Variants in OSBPL10 observed in about 807,000 individuals in gnomAD.
OSBPL10 encodes the protein oxysterol binding protein like 10.
OSBPL10 carries 49 observed loss-of-function variants against 81.7 expected under a neutral mutation model. That is an observed-to-expected ratio of 0.60 (90% confidence interval 0.48 to 0.76). The LOEUF (loss-of-function observed/expected upper bound fraction) is 0.76, where lower values mean the gene tolerates loss of function less well. OSBPL10 is among the 30% of genes least tolerant of loss of function. The pLI, the probability that OSBPL10 is intolerant of heterozygous loss-of-function variation, is 0.00. For missense variants in OSBPL10, 923 were observed against 987.8 expected (o/e 0.93, Z 0.88); for synonymous variants, 419 against 383.6 (o/e 1.09, Z -1.08).
intron 4 of OSBPL10, chr3:31,794,923 GC>G: frequency 2.8e-6 from 1 of 359,078 alleles, no homozygotes; most frequent in Non-Finnish European, 5.5e-6. Flanking sequence ...GAGAAGGGGT[GC>G]CAGAGAAGTG....
At chr3:31,893,033 G>A (rs112163483) in intron 1 of OSBPL10, among the ~76,000 whole-genome samples, 9 of 152,102 alleles carry the variant, frequency 5.9e-5, no homozygotes, top group East Asian at 1.9e-4. Context: ...AGGGAAGAGC[G>A]ATAAAAAGTA....
At chr3:31,991,579 T>C (rs1699030416) in intron 2 of OSBPL10, 1 of 166,818 alleles carries the variant, frequency 6.0e-6, no homozygotes, top group South Asian at 2.1e-4. Flanking sequence ...ATTTAACTAA[T>C]TTTTGGTACT....
intron 1 of OSBPL10, among the ~76,000 whole-genome samples, chr3:31,979,354 A>G (rs1047891239): frequency 1.3e-5 from 2 of 152,218 alleles, no homozygotes; most frequent in African/African-American, 4.8e-5. Context: ...AAAGTCCTAT[A>G]TGTAGAATAT....
At chr3:31,827,452 C>T (rs182697619) in intron 4 of OSBPL10, among the ~76,000 whole-genome samples, 117 of 152,114 alleles carry the variant, frequency 7.7e-4, no homozygotes, top group African/African-American at 2.4e-3. Context: ...CTGGCTAACA[C>T]GGTGAAACCC....
intron 5 of OSBPL10, among the ~76,000 whole-genome samples, chr3:31,737,304 G>A (rs11717432): frequency 0.32 from 48,372 of 152,044 alleles, 9,517 homozygotes; most frequent in East Asian, 0.66. Context: ...ACATTCTTAC[G>A]TGGAGTGAAT....
intron 3 of OSBPL10, among the ~76,000 whole-genome samples, chr3:31,852,189 C>T (rs994731311): frequency 3.3e-5 from 5 of 152,140 alleles, no homozygotes; most frequent in South Asian, 2.1e-4. Flanking sequence ...AAGACCTACC[C>T]GCAAGATTGT....
intron 1 of OSBPL10, among the ~76,000 whole-genome samples, chr3:31,928,223 C>T (rs1037350603): frequency 2.0e-5 from 3 of 152,224 alleles, no homozygotes; most frequent in South Asian, 2.1e-4. Flanking sequence ...AACTTTAATT[C>T]GGAGGTATTG....
At chr3:31,726,831 T>TTTA (rs142826584) in intron 6 of OSBPL10, among the ~76,000 whole-genome samples, 14,509 of 149,502 alleles carry the variant, frequency 0.097, 1,193 homozygotes, top group African/African-American at 0.23. Flanking sequence ...TGTGCAAAAA[T>TTTA]TTATTATTAT....
chr3:32,059,166 T>G (rs1699736299), intron 1 of OSBPL10, among the ~76,000 whole-genome samples: 1 of 151,966 alleles, frequency 6.6e-6, no homozygotes, highest in African/African-American at 2.4e-5. Context: ...CATGGTGGCA[T>G]ATGCCTGTAA....
At chr3:31,711,453 GCTAA>G (rs1206325479) in intron 6 of OSBPL10, among the ~76,000 whole-genome samples, 88 of 152,356 alleles carry the variant, frequency 5.8e-4, no homozygotes, top group Non-Finnish European at 1.9e-4. Flanking sequence ...AGGAATCCTA[GCTAA>G]CTGAGGGTTT....
chr3:31,824,509 C>A (rs1033585431), intron 4 of OSBPL10, among the ~76,000 whole-genome samples: 1 of 152,160 alleles, frequency 6.6e-6, no homozygotes, highest in Admixed American at 6.5e-5. Context: ...CCGATGGTTG[C>A]TACAAGAGCA....
At chr3:31,964,185 C>T (rs917137062) in intron 1 of OSBPL10, among the ~76,000 whole-genome samples, 2 of 151,886 alleles carry the variant, frequency 1.3e-5, no homozygotes, top group Admixed American at 1.3e-4. Context: ...GATACAGGGT[C>T]TCACACTGTC....
intron 2 of OSBPL10, among the ~76,000 whole-genome samples, chr3:31,992,008 T>C (rs1441767312): frequency 6.6e-6 from 1 of 151,820 alleles, no homozygotes; most frequent in Admixed American, 6.6e-5. Flanking sequence ...TAGCCAGGCG[T>C]AGTGGCACGC....
chr3:31,834,570 G>A (rs2125539205), intron 3 of OSBPL10, among the ~76,000 whole-genome samples: 1 of 152,330 alleles, frequency 6.6e-6, no homozygotes, highest in African/African-American at 2.4e-5. Flanking sequence ...CTCATTGAAT[G>A]ATTCCTAAAT....
At chr3:31,949,123 G>A (rs1697787701) in intron 1 of OSBPL10, among the ~76,000 whole-genome samples, 1 of 152,130 alleles carries the variant, frequency 6.6e-6, no homozygotes, top group Non-Finnish European at 1.5e-5. Context: ...GGGGAAGTTG[G>A]GGAAAGAGGA....
chr3:32,018,851 G>A (rs1002528376), intron 2 of OSBPL10, among the ~76,000 whole-genome samples: 4 of 151,744 alleles, frequency 2.6e-5, no homozygotes, highest in Admixed American at 2.6e-4. Context: ...ATACAAACAG[G>A]CAAAAATCAA....
chr3:31,908,721 G>A (rs57310325), intron 1 of OSBPL10, among the ~76,000 whole-genome samples: 80,529 of 151,896 alleles, frequency 0.53, 21,878 homozygotes, highest in Non-Finnish European at 0.6. Flanking sequence ...GGTTGTGTCG[G>A]CCAATTCCCT....
At chr3:31,994,491 A>AT (rs1381223487) in intron 2 of OSBPL10, among the ~76,000 whole-genome samples, 1 of 149,648 alleles carries the variant, frequency 6.7e-6, no homozygotes, top group South Asian at 2.1e-4. Flanking sequence ...AGGGAAAAAA[A>AT]GGATGGATGG....
At chr3:31,898,208 C>G (rs1488897345) in intron 1 of OSBPL10, among the ~76,000 whole-genome samples, 2 of 151,698 alleles carry the variant, frequency 1.3e-5, no homozygotes, top group Admixed American at 6.6e-5. Context: ...TGAGATCTAT[C>G]GCATAGCAGG....
Sources: gnomAD v4.1 joint callset for allele counts (sites outside exome capture counted in the v4.1 genomes callset) on GRCh38, gnomAD v4.1.1 for gene constraint, MANE v1.5 for transcripts, NCBI Gene and HGNC (gene_info 2026-07-23, HGNC 2026-07-21) for gene names.